Variants in CYGB observed in about 807,000 individuals in gnomAD.
The protein encoded by CYGB is cytoglobin.
A neutral mutation model predicts 20.7 loss-of-function variants in CYGB; 13 were observed. The observed-to-expected ratio is 0.63, with a 90% CI of 0.41 to 1.00. CYGB has a LOEUF of 1.00. Ranked by LOEUF, CYGB falls within the 50% of genes least tolerant of loss-of-function variation. The pLI, the probability that CYGB is intolerant of heterozygous loss-of-function variation, is 0.00. For missense variants in CYGB, 218 were observed against 257.2 expected (o/e 0.85, Z 1.04); for synonymous variants, 93 against 107.4 (o/e 0.87, Z 0.83).
chr17:76,531,574 C>G lies in CYGB; in HGVS notation c.261G>C (p.Gly87=). 2 of 1,614,074 alleles carry G rather than the reference C, an allele frequency of 1.2e-6. No homozygotes were observed. Among genetic ancestry groups the G allele is most frequent in the Non-Finnish European group, 1.7e-6 (2 of 1,179,908 alleles). Residue 87 remains glycine, a synonymous_variant, in exon 2 of 4, where the codon GGG becomes GGC. Coordinates refer to ENST00000293230, the MANE Select transcript of CYGB (RefSeq NM_134268.5). The surrounding 1 kb of genome is among the most constrained non-coding windows in gnomAD (Gnocchi z 7.4). ...QLRKHACRVM[G]ALNTVVENLH... ...GGTTCTCCACGACAGTGTTGAGGGC[C>G]CCCATGACTCGGCAGGCGTGCTTCC...
rs1156381882 is a variant in CYGB, at chr17:76,533,131, T to C, written c.144-1440A>G. 1.3e-5 allele frequency among the ~76,000 whole-genome samples: 2 copies of C among 152,156 alleles called. No homozygotes were observed. The highest frequency in any genetic ancestry group is 4.8e-5 in the African/African-American group (2 of 41,432). On this transcript the variant is annotated intron_variant, in intron 1 of 3. Coordinates refer to ENST00000293230, the MANE Select transcript of CYGB (RefSeq NM_134268.5). The surrounding 1 kb of genome is among the most constrained non-coding windows in gnomAD (Gnocchi z 4.5). ...ATCCCTGCTGCTGGTGGAACTGCTA[T>C]TGGCGGGGAAGTTTGCACAGTGACC...
chr17:76,545,188 G>A (rs998763255), intron 1 of CYGB: 10 of 456,632 alleles, frequency 2.2e-5, no homozygotes, highest in Admixed American at 1.2e-4. Flanking sequence ...GGCTCTCTGC[G>A]CAGTCTGCAC....
Position 76,531,680 on chromosome 17 carries a change from T to C in CYGB, c.155A>G (p.Asn52Ser). The change falls in exon 2 of 4, where the codon AAC becomes AGC. Residue 52 changes from asparagine (N) to serine (S), a missense_variant. This residue lies in a region of CYGB where 152 missense variants were observed against 149.9 expected (regional missense o/e 1.01). Transcript: ENST00000293230. This position sits in a 1 kb window ranked among gnomAD's most constrained non-coding sequence, Gnocchi z 7.4. Reference sequence around the variant, plus strand: ...GAAGTACTGCTTGGCCGAGGGGAAGTTCACAAAGAACCTGGCAAGAGGAAC... The same window carrying C: ...GAAGTACTGCTTGGCCGAGGGGAAGCTCACAAAGAACCTGGCAAGAGGAAC... ...GVAILVRFFVNFPSAKQYFSQ... is the reference protein window; with the variant it reads ...GVAILVRFFVSFPSAKQYFSQ... 6.3e-7 allele frequency: 1 copy of C among 1,594,166 alleles called. No homozygotes were observed. Among genetic ancestry groups the C allele is most frequent in the African/African-American group, 1.3e-5 (1 of 74,654 alleles).
intron 1 of CYGB, among the ~76,000 whole-genome samples, chr17:76,547,905 AAC>A (rs1484096411): frequency 3.9e-5 from 5 of 129,686 alleles, no homozygotes; most frequent in African/African-American, 1.1e-4. Context: ...AGACACACAT[AAC>A]ACATTCACAC....
rs2075055420 is a variant in CYGB at position 76,546,476 on chromosome 17, G to GCA, written c.-53+4384_-53+4385dup. 1 of 151,954 alleles carries GCA rather than the reference G, an allele frequency of 6.6e-6. No individual in the cohort carries two copies. The highest frequency in any genetic ancestry group is 2.4e-5 in the African/African-American group (1 of 41,226). 9.4% of individuals were successfully genotyped at this position (151,954 alleles called of 1,614,324 possible). A position where few individuals can be genotyped will look rare whatever the true frequency, so the allele number is the denominator to read the frequency against. ...TGTGTGTGTGTGTGTGTGTGTGCGCGCAGTCCTGGGCAAGGGCAAACAGTA... is the reference window on the plus strand; with the variant it reads ...TGTGTGTGTGTGTGTGTGTGTGCGCGCACAGTCCTGGGCAAGGGCAAACAGTA... On this transcript the variant is annotated intron_variant, in intron 1 of 3. Coordinates refer to the CYGB transcript ENST00000589145. The surrounding 1 kb of genome is among the most constrained non-coding windows in gnomAD (Gnocchi z 4.5).
rs1309103830 is a variant in CYGB, at chr17:76,528,384, C to T, written c.*194G>A. 4.5e-6 allele frequency: 2 copies of T among 448,708 alleles called. No individual in the cohort carries two copies. Among genetic ancestry groups the T allele is most frequent in the East Asian group, 3.5e-5 (1 of 28,286 alleles). The allele number at this position is 448,708 out of a possible 1,614,324, so 27.8% of individuals were successfully genotyped here. On this transcript the variant is annotated 3_prime_UTR_variant, in exon 4 of 4. Coordinates refer to ENST00000293230, the MANE Select transcript of CYGB (RefSeq NM_134268.5). This position sits in a 1 kb window ranked among gnomAD's most constrained non-coding sequence, Gnocchi z 5.8. ...GCTCTGCCCGCCGCGCTGGGGTCAG[C>T]ATCCAGGCAGCCAGCGCCGCCTCCC...
Position 76,546,919 on chromosome 17 carries a change from C to T in CYGB, c.-53+3943G>A, listed in dbSNP as rs553393696. On this transcript the variant is annotated intron_variant, in intron 1 of 3. Transcript: ENST00000589145. This position sits in a 1 kb window ranked among gnomAD's most constrained non-coding sequence, Gnocchi z 4.5. ...CTCATAGCTGGCAGTGAAGCCAGGA[C>T]CTGAGCCTGGGAAATCTGACACCAA... is the stretch of plus-strand genomic sequence containing the variant. The T allele has an allele frequency of 6.6e-6, 1 of 152,322 alleles. No individual in the cohort carries two copies. Among genetic ancestry groups the T allele is most frequent in the Non-Finnish European group, 1.5e-5 (1 of 68,032 alleles). 9.4% of individuals were successfully genotyped at this position (152,322 alleles called of 1,614,324 possible).
upstream of CYGB, among the ~76,000 whole-genome samples, chr17:76,539,474 G>A (rs1598210484): frequency 6.6e-6 from 1 of 152,280 alleles, no homozygotes; most frequent in East Asian, 1.9e-4. Flanking sequence ...AGAAAAGTTT[G>A]GAGAGGATTG....
chr17:76,544,659 C>T (rs1256119330), intron 1 of CYGB: 6 of 456,790 alleles, frequency 1.3e-5, no homozygotes, highest in Middle Eastern at 3.3e-4. Flanking sequence ...TTGGAGGCAT[C>T]GGCCTTCCTG....
chr17:76,544,906 TC>T (rs1477795765), intron 1 of CYGB: 2 of 456,640 alleles, frequency 4.4e-6, no homozygotes, highest in Non-Finnish European at 8.8e-6. Context: ...ACGCCACTGT[TC>T]CGAGAACCTG....
chr17:76,539,170 C>A (rs1230922000), upstream of CYGB, among the ~76,000 whole-genome samples: 8 of 152,298 alleles, frequency 5.3e-5, no homozygotes, highest in African/African-American at 1.9e-4. Context: ...CACTCCCAGA[C>A]CCATGTCTCA....
At chr17:76,543,715 A>G in intron 1 of CYGB, 5 of 466,758 alleles carry the variant, frequency 1.1e-5, no homozygotes, top group Non-Finnish European at 2.2e-5. Context: ...CCCAGGAGCT[A>G]TTCTGTTAAG....
At position 76,530,538 on chromosome 17, in the gene CYGB, GC is replaced by G. The variant is rs1440910133; in HGVS notation, c.539+440del. Among the ~76,000 whole-genome samples the G allele has an allele frequency of 6.6e-6, 1 of 152,156 alleles. No individual in the cohort carries two copies. Among genetic ancestry groups the G allele is most frequent in the Non-Finnish European group, 1.5e-5 (1 of 68,024 alleles). ...GGCTCTAGCCCTATTGAGGCAGAGG[GC>G]ATTTAGCAGCACTGGTCGGCATGAG... On this transcript the variant is annotated intron_variant, in intron 3 of 3. Transcript: ENST00000293230. The surrounding 1 kb of genome is among the most constrained non-coding windows in gnomAD (Gnocchi z 6.1).
At chr17:76,544,225 T>G (rs2075027299) in intron 1 of CYGB, 1 of 454,348 alleles carries the variant, frequency 2.2e-6, no homozygotes, top group Middle Eastern at 6.9e-4. Context: ...GCGTCTCTCC[T>G]CCCCAGCCAG....
At chr17:76,535,976 C>T (rs1203276501) in intron 1 of CYGB, among the ~76,000 whole-genome samples, 3 of 152,162 alleles carry the variant, frequency 2.0e-5, no homozygotes, top group Non-Finnish European at 4.4e-5. Flanking sequence ...TGCTGACACA[C>T]GGCTGACGGC....
intron 1 of CYGB, among the ~76,000 whole-genome samples, chr17:76,535,256 G>A (rs1480683606): frequency 6.6e-6 from 1 of 152,212 alleles, no homozygotes; most frequent in Non-Finnish European, 1.5e-5. Context: ...GAGGGTGCTG[G>A]CCTGGCGCAG....
rs2074837822 is a variant in CYGB, at chr17:76,531,278, T to C, written c.376-136A>G. The C allele has an allele frequency of 8.2e-7, 1 of 1,222,910 alleles. No individual in the cohort carries two copies. Among genetic ancestry groups the C allele is most frequent in the Non-Finnish European group, 1.1e-6 (1 of 878,528 alleles). 75.8% of individuals were successfully genotyped at this position (1,222,910 alleles called of 1,614,324 possible). ...TCTGGCAGCTTTGGGAACCCCGTGC[T>C]CTCAGGACAAGGGTTGCCCTGGACC... On this transcript the variant is annotated intron_variant, in intron 2 of 3. Coordinates refer to ENST00000293230, the MANE Select transcript of CYGB (RefSeq NM_134268.5). This position sits in a 1 kb window ranked among gnomAD's most constrained non-coding sequence, Gnocchi z 7.4.
exon 1 of CYGB, chr17:76,550,985 G>A (rs1316533290): frequency 6.6e-6 from 1 of 152,192 alleles, no homozygotes; most frequent in African/African-American, 2.4e-5. Context: ...AGAGAAGTGA[G>A]GTGACCTTTG....
At chr17:76,542,492 A>G, upstream of CYGB, 1 of 1,595,818 alleles carries the variant, frequency 6.3e-7, no homozygotes, top group Non-Finnish European at 8.6e-7. Flanking sequence ...GGAAGAGGAG[A>G]GTCAGAAACA....
Sources: allele counts gnomAD v4.1 joint callset (sites outside exome capture counted in the v4.1 genomes callset), GRCh38; gene constraint gnomAD v4.1.1; regional missense constraint gnomAD v4.1.1; non-coding constraint Gnocchi (gnomAD v3.1); transcripts MANE v1.5; gene names NCBI Gene and HGNC (gene_info 2026-07-23, HGNC 2026-07-21).